The following CSMD1 variants were observed in gnomAD, a reference collection of about 807,000 sequenced individuals.
CSMD1 encodes the protein CUB and sushi domain-containing protein 1.
In CSMD1, 213 loss-of-function variants were observed where a neutral mutation model predicts 417.5. The observed-to-expected ratio is 0.51, with a 90% CI of 0.46 to 0.57. The LOEUF is 0.57. Ranked by LOEUF, CSMD1 falls within the 20% of genes least tolerant of loss-of-function variation. The pLI is 0.00. For synonymous variants in CSMD1, 2,862 were observed against 1,736.8 expected (o/e 1.65, Z -16.11); for missense variants, 6,923 against 4,529.7 (o/e 1.53, Z -15.17).
At position 3,230,165 on chromosome 8, in the gene CSMD1, C is replaced by G. The variant is rs147245019; in HGVS notation, c.4220G>C (p.Arg1407Thr). 5.6e-3 allele frequency: 9,028 copies of G among 1,613,496 alleles called. 43 individuals carry two copies. Among genetic ancestry groups the G allele is most frequent in the South Asian group, 0.013 (1,222 of 91,052 alleles). Residue 1407 changes from arginine (R) to threonine (T), a missense_variant, in exon 27 of 70, where the codon AGA (arginine) becomes ACA (threonine). Coordinates refer to ENST00000635120, the MANE Select transcript of CSMD1 (RefSeq NM_033225.6). Reference protein sequence around the residue: ...PQNGTRYGDSREAGDTVTFQC... With the variant: ...PQNGTRYGDSTEAGDTVTFQC... Reference sequence around the variant, plus strand: ...GAATGTGACGGTGTCTCCAGCCTCTCTGCTGTCTCCATAGCGGGTGCCATT... The same window carrying G: ...GAATGTGACGGTGTCTCCAGCCTCTGTGCTGTCTCCATAGCGGGTGCCATT...
intron 3 of CSMD1, among the ~76,000 whole-genome samples, chr8:4,071,902 A>G (rs910881559): frequency 6.6e-6 from 1 of 152,154 alleles, no homozygotes; most frequent in African/African-American, 2.4e-5. Flanking sequence ...TGCTCCACTT[A>G]GGCATAGCTC....
chr8:3,181,792 G>A (rs1456415821), intron 36 of CSMD1, among the ~76,000 whole-genome samples: 2 of 152,124 alleles, frequency 1.3e-5, no homozygotes, highest in African/African-American at 2.4e-5. Context: ...TACTTAAAAT[G>A]TTCTAGCCTA....
intron 2 of CSMD1, among the ~76,000 whole-genome samples, chr8:4,602,001 T>C (rs1800615108): frequency 6.6e-6 from 1 of 152,086 alleles, no homozygotes; most frequent in Non-Finnish European, 1.5e-5. Flanking sequence ...GCTTTTATCT[T>C]TACCTTCCAA....
chr8:4,536,202 T>C (rs923858071), intron 2 of CSMD1, among the ~76,000 whole-genome samples: 4 of 152,196 alleles, frequency 2.6e-5, no homozygotes, highest in Non-Finnish European at 5.9e-5. Context: ...TTTTTAACGA[T>C]GCTTTTGCAT....
intron 5 of CSMD1, among the ~76,000 whole-genome samples, chr8:3,847,121 C>G (rs1008158339): frequency 1.3e-5 from 2 of 152,122 alleles, no homozygotes; most frequent in Admixed American, 1.3e-4. Flanking sequence ...GAGGTCTCCT[C>G]CTCTTGCAAG....
At position 4,684,714 on chromosome 8, in the gene CSMD1, T is replaced by C. The variant is rs137944343; in HGVS notation, c.86-47156A>G. Among the ~76,000 whole-genome samples, 417 of 152,282 alleles carry C rather than the reference T, an allele frequency of 2.7e-3. 1 individual carries two copies. The highest frequency in any genetic ancestry group is 4.8e-3 in the Admixed American group (74 of 15,292). On this transcript the variant is annotated intron_variant, in intron 1 of 69. Transcript: ENST00000635120. Reference sequence around the variant, plus strand: ...CATACGCTTTCCCTGTCTCAGGGAATGAAGGATAGCTGTAAAAATATTTTG... The same window carrying C: ...CATACGCTTTCCCTGTCTCAGGGAACGAAGGATAGCTGTAAAAATATTTTG...
chr8:3,102,645 G>C (rs1415380259), intron 46 of CSMD1, among the ~76,000 whole-genome samples: 2 of 152,292 alleles, frequency 1.3e-5, no homozygotes, highest in East Asian at 3.9e-4. Context: ...TTCTGAGGGA[G>C]GCCACTCTCA....
intron 5 of CSMD1, among the ~76,000 whole-genome samples, chr8:3,963,353 G>A (rs759708675): frequency 1.3e-5 from 2 of 152,036 alleles, no homozygotes; most frequent in Admixed American, 1.3e-4. Context: ...AAGAACGTGT[G>A]GTGTTTACTT....
intron 3 of CSMD1, among the ~76,000 whole-genome samples, chr8:4,140,665 C>T (rs1237029003): frequency 9.3e-5 from 14 of 150,782 alleles, no homozygotes; most frequent in Non-Finnish European, 1.9e-4. Context: ...AAGACCCTGT[C>T]TCAATTAAAA....
At chr8:4,125,608 G>A (rs915802443) in intron 3 of CSMD1, among the ~76,000 whole-genome samples, 4 of 152,274 alleles carry the variant, frequency 2.6e-5, no homozygotes, top group East Asian at 3.9e-4. Context: ...AATTATAACT[G>A]AGGAAATTAT....
intron 1 of CSMD1, among the ~76,000 whole-genome samples, chr8:4,955,240 C>T (rs917300803): frequency 6.6e-6 from 1 of 152,136 alleles, no homozygotes; most frequent in African/African-American, 2.4e-5. Flanking sequence ...TGTTGCAATG[C>T]ATCTTTGAAA....
intron 5 of CSMD1, among the ~76,000 whole-genome samples, chr8:3,789,357 C>A (rs922635466): frequency 1.3e-4 from 18 of 135,404 alleles, no homozygotes; most frequent in Non-Finnish European, 2.2e-4. Flanking sequence ...CTTGTGTCTG[C>A]TTGTATTGCT....
chr8:4,647,174 C>A (rs1235823236), intron 1 of CSMD1, among the ~76,000 whole-genome samples: 4 of 150,772 alleles, frequency 2.7e-5, no homozygotes, highest in African/African-American at 9.8e-5. Flanking sequence ...TCTCTTTGGA[C>A]AAATAGGCCA....
chr8:3,584,940 C>A (rs1405626896), intron 9 of CSMD1, among the ~76,000 whole-genome samples: 1 of 152,264 alleles, frequency 6.6e-6, no homozygotes, highest in South Asian at 2.1e-4. Flanking sequence ...GAAAAATGCA[C>A]AATCAAAGTT....
At chr8:4,078,555 C>A (rs1461376336) in intron 3 of CSMD1, among the ~76,000 whole-genome samples, 1 of 151,560 alleles carries the variant, frequency 6.6e-6, no homozygotes, top group Admixed American at 6.6e-5. Context: ...TGAGCCACTG[C>A]GCCCGGCTGA....
intron 2 of CSMD1, among the ~76,000 whole-genome samples, chr8:4,623,717 T>C (rs1335335063): frequency 6.6e-6 from 1 of 152,216 alleles, no homozygotes; most frequent in South Asian, 2.1e-4. Flanking sequence ...GTGAAAGAAG[T>C]TAGGCATATA....
At chr8:4,614,567 T>C (rs919923843) in intron 2 of CSMD1, among the ~76,000 whole-genome samples, 1 of 152,102 alleles carries the variant, frequency 6.6e-6, no homozygotes, top group African/African-American at 2.4e-5. Context: ...CTTAGAAACC[T>C]AGAACATAGA....
At chr8:3,576,729 A>G (rs1337476149) in intron 9 of CSMD1, among the ~76,000 whole-genome samples, 1 of 152,174 alleles carries the variant, frequency 6.6e-6, no homozygotes, top group African/African-American at 2.4e-5. Context: ...TTATACACTA[A>G]TATCTCACTC....
intron 52 of CSMD1, among the ~76,000 whole-genome samples, chr8:3,008,065 T>C (rs1356293938): frequency 1.3e-5 from 2 of 152,136 alleles, no homozygotes; most frequent in East Asian, 3.8e-4. Flanking sequence ...TTGAAATAAA[T>C]AAAAGCTACC....
Sources: gnomAD v4.1 joint callset for allele counts (sites outside exome capture counted in the v4.1 genomes callset) on GRCh38, gnomAD v4.1.1 for gene constraint, MANE v1.5 for transcripts, NCBI Gene and HGNC (gene_info 2026-07-23, HGNC 2026-07-21) for gene names.